The following NRXN1 variants were observed in gnomAD, a reference collection of about 807,000 sequenced individuals.
NRXN1 encodes the protein neurexin 1, also known as neurexin-1.
NRXN1 carries 39 observed loss-of-function variants against 150.9 expected under a neutral mutation model. The observed-to-expected ratio is 0.26, with a 90% CI of 0.20 to 0.34. The LOEUF (loss-of-function observed/expected upper bound fraction) is 0.34, where lower values mean the gene tolerates loss of function less well. Among genes scored for constraint, NRXN1 ranks in the 10% least tolerant of loss-of-function variants. The pLI is 1.00. For synonymous variants in NRXN1, 924 were observed against 757.0 expected (o/e 1.22, Z -3.62); for missense variants, 1,815 against 1,949.9 (o/e 0.93, Z 1.30).
chr2:49,976,234 T>C (rs967303180), intron 21 of NRXN1, among the ~76,000 whole-genome samples: 15 of 151,450 alleles, frequency 9.9e-5, no homozygotes, highest in Non-Finnish European at 2.1e-4. Flanking sequence ...GGTTACACCA[T>C]GTTGGCCTGG....
chr2:50,354,496 G>A (rs1452223972), intron 17 of NRXN1, among the ~76,000 whole-genome samples: 1 of 146,748 alleles, frequency 6.8e-6, no homozygotes, highest in Non-Finnish European at 1.5e-5. Flanking sequence ...ATACAATAGT[G>A]CCTAGAGTAT....
At chr2:50,062,077 G>T (rs1211038844) in intron 19 of NRXN1, among the ~76,000 whole-genome samples, 1 of 152,114 alleles carries the variant, frequency 6.6e-6, no homozygotes, top group African/African-American at 2.4e-5. Flanking sequence ...CTGGGGTGAA[G>T]AATTCAAAGG....
chr2:50,353,811 T>C (rs1252789587), intron 17 of NRXN1, among the ~76,000 whole-genome samples: 1 of 152,164 alleles, frequency 6.6e-6, no homozygotes, highest in Non-Finnish European at 1.5e-5. Context: ...ATAGCCTCTG[T>C]TTCTCTAAAT....
At chr2:50,791,667 C>T (rs961664671) in intron 5 of NRXN1, among the ~76,000 whole-genome samples, 7 of 152,138 alleles carry the variant, frequency 4.6e-5, no homozygotes, top group African/African-American at 1.4e-4. Context: ...GAAAAAATTC[C>T]TCTGCAGCGT....
At chr2:50,497,137 C>A (rs1017314042) in intron 14 of NRXN1, among the ~76,000 whole-genome samples, 196 bp downstream of exon 14, 2 of 151,978 alleles carry the variant, frequency 1.3e-5, no homozygotes, top group Admixed American at 6.6e-5. Context: ...AATGTAGGTG[C>A]AAAAAACTGT....
chr2:50,993,126 T>A (rs1478523388), intron 2 of NRXN1, among the ~76,000 whole-genome samples: 1 of 151,910 alleles, frequency 6.6e-6, no homozygotes. Flanking sequence ...TAGGAGTAAG[T>A]TCTATTACAC....
intron 17 of NRXN1, among the ~76,000 whole-genome samples, chr2:50,421,786 T>C (rs529947915): frequency 1.4e-4 from 22 of 152,282 alleles, no homozygotes; most frequent in African/African-American, 5.1e-4. Context: ...CCATGCAAGA[T>C]GCATAATTCA....
chr2:50,660,096 C>T (rs1325343425), intron 5 of NRXN1, among the ~76,000 whole-genome samples: 2 of 151,982 alleles, frequency 1.3e-5, no homozygotes, highest in Admixed American at 1.3e-4. Flanking sequence ...GCACTTTACC[C>T]ACTGGGGACT....
chr2:50,046,294 T>C (rs1691801105), intron 21 of NRXN1, among the ~76,000 whole-genome samples: 1 of 152,202 alleles, frequency 6.6e-6, no homozygotes, highest in South Asian at 2.1e-4. Flanking sequence ...CCACTGCCGC[T>C]TGCTTCCCAT....
chr2:50,888,566 C>G, intron 5 of NRXN1, among the ~76,000 whole-genome samples: 1 of 151,606 alleles, frequency 6.6e-6, no homozygotes, highest in Non-Finnish European at 1.5e-5. Flanking sequence ...CTCTCTCTCT[C>G]ACTCTCTGCC....
At chr2:50,937,878 T>C (rs891674621) in intron 2 of NRXN1, among the ~76,000 whole-genome samples, 3 of 152,110 alleles carry the variant, frequency 2.0e-5, no homozygotes, top group Non-Finnish European at 4.4e-5. Flanking sequence ...TTCATCCTTG[T>C]GCAAGCATAA....
Position 50,553,743 on chromosome 2 carries a change from C to G in NRXN1, c.1321-718G>C, listed in dbSNP as rs1215184310. The stretch of plus-strand genomic sequence containing the variant: ...TGATCCATTTCACTTTTAATTTACA[C>G]AAATGCTGCGCAAGGGTTGTCTTGT... On this transcript the variant is annotated intron_variant, in intron 8 of 22. Transcript: ENST00000401669. Among the ~76,000 whole-genome samples the G allele has an allele frequency of 2.0e-5, 3 of 152,314 alleles. No individual in the cohort carries two copies. The East Asian group carries it at 5.8e-4, about 29-fold the overall frequency.
chr2:50,001,248 A>T (rs1191575123), intron 21 of NRXN1, among the ~76,000 whole-genome samples: 1 of 152,150 alleles, frequency 6.6e-6, no homozygotes, highest in Non-Finnish European at 1.5e-5. Flanking sequence ...AGGTTATAGG[A>T]TAAATAAAAT....
chr2:50,009,097 G>C (rs1301010775), intron 21 of NRXN1, among the ~76,000 whole-genome samples: 1 of 152,098 alleles, frequency 6.6e-6, no homozygotes, highest in Non-Finnish European at 1.5e-5. Flanking sequence ...ATTGCTGAAA[G>C]CCTCCTTGGA....
intron 21 of NRXN1, among the ~76,000 whole-genome samples, chr2:50,025,543 G>T (rs867283421): frequency 6.6e-5 from 10 of 152,136 alleles, no homozygotes; most frequent in Non-Finnish European, 1.2e-4. Flanking sequence ...AGAAATTGAG[G>T]TGGCAGTGGG....
intron 18 of NRXN1, among the ~76,000 whole-genome samples, chr2:50,187,836 T>C (rs539060032): frequency 6.6e-6 from 1 of 152,276 alleles, no homozygotes; most frequent in African/African-American, 2.4e-5. Context: ...TTTATTCTCT[T>C]TGTGGCAATT....
At chr2:50,193,432 A>C (rs186067151) in intron 18 of NRXN1, among the ~76,000 whole-genome samples, 1 of 152,276 alleles carries the variant, frequency 6.6e-6, no homozygotes, top group Non-Finnish European at 1.5e-5. Flanking sequence ...TTAGGCATTT[A>C]TAATTTATTC....
intron 5 of NRXN1, among the ~76,000 whole-genome samples, chr2:50,893,675 G>A (rs1362868823): frequency 6.6e-6 from 1 of 152,146 alleles, no homozygotes. Context: ...TTATAGTAAT[G>A]TACAGTCAGC....
At chr2:50,093,860 G>C (rs1699891812) in intron 18 of NRXN1, among the ~76,000 whole-genome samples, 1 of 152,030 alleles carries the variant, frequency 6.6e-6, no homozygotes, top group Non-Finnish European at 1.5e-5. Flanking sequence ...AAAGAGAAAA[G>C]CTATGGTTCA....
Sources: allele counts gnomAD v4.1 joint callset (sites outside exome capture counted in the v4.1 genomes callset), GRCh38; gene constraint gnomAD v4.1.1; transcripts MANE v1.5; gene names NCBI Gene and HGNC (gene_info 2026-07-23, HGNC 2026-07-21).